NRXN3: variants seen among roughly 807,000 people sequenced by gnomAD.
NRXN3 encodes neurexin III.
NRXN3 carries 32 observed loss-of-function variants against 137.6 expected under a neutral mutation model. The observed-to-expected ratio is 0.23, with a 90% CI of 0.18 to 0.31. The LOEUF (loss-of-function observed/expected upper bound fraction) is 0.31. Ranked by LOEUF, NRXN3 falls within the 10% of genes least tolerant of loss-of-function variation. NRXN3 has a pLI of 1.00. For synonymous variants in NRXN3, 798 were observed against 784.5 expected (o/e 1.02, Z -0.29); for missense variants, 1,574 against 2,062.5 (o/e 0.76, Z 4.59).
chr14:78,637,409 A>G (rs2097576401), intron 4 of NRXN3, among the ~76,000 whole-genome samples: 2 of 152,164 alleles, frequency 1.3e-5, no homozygotes, highest in Admixed American at 6.5e-5. Context: ...CTGTGTGCCT[A>G]TATCACCTAC....
At chr14:78,510,040 T>TTA (rs57232548) in intron 4 of NRXN3, among the ~76,000 whole-genome samples, 1,769 of 144,458 alleles carry the variant, frequency 0.012, 57 homozygotes, top group African/African-American at 0.036. Context: ...TGACAAAATT[T>TTA]TATATATATA....
At chr14:78,347,049 A>G (rs570701491) in intron 4 of NRXN3, among the ~76,000 whole-genome samples, 13 of 152,326 alleles carry the variant, frequency 8.5e-5, no homozygotes, top group African/African-American at 3.1e-4. Context: ...ATCAATGGAA[A>G]GAAGTAGAGG....
rs3059003 is a variant in NRXN3 at position 78,203,803 on chromosome 14, G to GGTGT, written c.-704+33161_-704+33164dup. Reference sequence around the variant, plus strand: ...TGACTTTTTGGTGTAGATCCTTCCAGGTGTGTGTGTGTGTGTGTGTGTGTG... The same window carrying GGTGT: ...TGACTTTTTGGTGTAGATCCTTCCAGGTGTGTGTGTGTGTGTGTGTGTGTGTGTG... On this transcript the variant is annotated intron_variant, in intron 1 of 20. Coordinates refer to ENST00000335750, the MANE Select transcript of NRXN3 (RefSeq NM_001330195.2). Among the ~76,000 whole-genome samples the GGTGT allele has an allele frequency of 5.2e-3, 698 of 134,004 alleles. 6 individuals are homozygous for GGTGT. The highest frequency in any genetic ancestry group is 6.0e-3 in the East Asian group (27 of 4,496). The allele number at this position is 134,004 out of a possible 152,430, so 87.9% of individuals were successfully genotyped here. A position where few individuals can be genotyped will look rare whatever the true frequency, so the allele number is the denominator to read the frequency against.
At chr14:78,705,398 C>T (rs7144165) in intron 6 of NRXN3, among the ~76,000 whole-genome samples, 1,581 of 152,222 alleles carry the variant, frequency 0.01, 30 homozygotes, top group African/African-American at 0.036. Context: ...TGGTTCTGCA[C>T]AGAGCAGGTG....
chr14:78,639,188 C>G (rs1336985550), intron 4 of NRXN3, among the ~76,000 whole-genome samples: 2 of 152,194 alleles, frequency 1.3e-5, no homozygotes, highest in African/African-American at 4.8e-5. Flanking sequence ...GTTTTTGTGC[C>G]TCATTAGTTT....
intron 15 of NRXN3, among the ~76,000 whole-genome samples, chr14:79,374,504 G>A (rs778919277): frequency 5.3e-5 from 8 of 151,952 alleles, no homozygotes; most frequent in Admixed American, 3.9e-4. Context: ...TCTGCAAACC[G>A]TAAAATCTTT....
At chr14:79,387,887 G>A (rs1266887697) in intron 15 of NRXN3, among the ~76,000 whole-genome samples, 3 of 147,536 alleles carry the variant, frequency 2.0e-5, no homozygotes, top group African/African-American at 7.5e-5. Context: ...CTCACTCATA[G>A]GTGGGAATTG....
At chr14:79,246,853 C>T (rs1461361619) in intron 15 of NRXN3, 1 of 152,130 alleles carries the variant, frequency 6.6e-6, no homozygotes, top group Non-Finnish European at 1.5e-5. Flanking sequence ...AATCAGAAGA[C>T]ATTGCAATAC....
In NRXN3 at chr14:78,213,528, T is replaced by G. The variant is rs1439885192; in HGVS notation, c.-703-28863T>G. On this transcript the variant is annotated intron_variant, in intron 1 of 20. Coordinates refer to ENST00000335750, the MANE Select transcript of NRXN3 (RefSeq NM_001330195.2). ...TCTGAGAAAGTCTCAGCCAGGCTGA[T>G]GGGAAGTCCCCAAGCAAGAGTTGAT... Among the ~76,000 whole-genome samples the G allele has an allele frequency of 2.6e-5, 4 of 152,194 alleles. No homozygotes were observed. The East Asian group carries it at 5.8e-4, about 22-fold the overall frequency.
At chr14:78,750,102 TC>T (rs1276017688) in intron 8 of NRXN3, among the ~76,000 whole-genome samples, 1 of 152,222 alleles carries the variant, frequency 6.6e-6, no homozygotes, top group Non-Finnish European at 1.5e-5. Flanking sequence ...GAATCTAGCT[TC>T]CGCTAATACC....
intron 10 of NRXN3, among the ~76,000 whole-genome samples, chr14:78,891,016 C>T (rs2099157366): frequency 6.6e-6 from 1 of 151,788 alleles, no homozygotes; most frequent in Admixed American, 6.6e-5. Context: ...TTTTAAGTAC[C>T]ATAAAAGTTT....
At chr14:78,798,242 C>G (rs1465783774) in intron 8 of NRXN3, among the ~76,000 whole-genome samples, 1 of 152,148 alleles carries the variant, frequency 6.6e-6, no homozygotes, top group African/African-American at 2.4e-5. Context: ...ATTCAGGGTA[C>G]AGGCATTGCA....
chr14:79,117,878 A>G (rs1196567750), intron 15 of NRXN3, among the ~76,000 whole-genome samples: 1 of 152,234 alleles, frequency 6.6e-6, no homozygotes, highest in Non-Finnish European at 1.5e-5. Flanking sequence ...GGCCTGGGCT[A>G]TGCTTGGAGA....
intron 1 of NRXN3, among the ~76,000 whole-genome samples, chr14:78,222,666 T>G (rs2063988391): frequency 6.6e-6 from 1 of 152,102 alleles, no homozygotes; most frequent in South Asian, 2.1e-4. Context: ...GAAAACTATT[T>G]AAATGGAGAC....
intron 1 of NRXN3, among the ~76,000 whole-genome samples, chr14:78,234,158 C>G (rs1044166165): frequency 2.0e-5 from 3 of 152,148 alleles, no homozygotes; most frequent in Non-Finnish European, 4.4e-5. Context: ...GATTGTGAGG[C>G]TTCTCCAGCC....
At chr14:78,625,700 C>T (rs1222666648) in intron 4 of NRXN3, among the ~76,000 whole-genome samples, 1 of 152,164 alleles carries the variant, frequency 6.6e-6, no homozygotes. Context: ...GCTCAACAAT[C>T]AGTCACATCC....
At chr14:79,713,398 C>CA (rs911891313) in intron 19 of NRXN3, among the ~76,000 whole-genome samples, 2 of 147,292 alleles carry the variant, frequency 1.4e-5, no homozygotes, top group South Asian at 2.1e-4. Context: ...CACATACACA[C>CA]AAAAAATGAA....
chr14:78,486,318 A>T (rs1324697143), intron 4 of NRXN3, among the ~76,000 whole-genome samples: 3 of 152,156 alleles, frequency 2.0e-5, no homozygotes, highest in Non-Finnish European at 1.5e-5. Flanking sequence ...GTGACTCAAC[A>T]TAACCTTTTA....
chr14:78,466,435 G>A (rs2095108611), intron 4 of NRXN3, among the ~76,000 whole-genome samples: 1 of 152,186 alleles, frequency 6.6e-6, no homozygotes, highest in Non-Finnish European at 1.5e-5. Context: ...TATTTCTATG[G>A]ACAGAGGAGA....
Sources: allele counts gnomAD v4.1 joint callset (sites outside exome capture counted in the v4.1 genomes callset), GRCh38; gene constraint gnomAD v4.1.1; transcripts MANE v1.5; gene names NCBI Gene and HGNC (gene_info 2026-07-23, HGNC 2026-07-21).